Variants in HERC6 observed in about 807,000 individuals in gnomAD.
HERC6 encodes probable E3 ubiquitin-protein ligase HERC6.
A neutral mutation model predicts 114.5 loss-of-function variants in HERC6; 101 were observed. The ratio of observed to expected loss-of-function variants is 0.88; its 90% CI spans 0.75 to 1.04. The LOEUF is 1.04. HERC6 is among the 50% of genes least tolerant of loss of function. HERC6 has a pLI of 0.00. For synonymous variants in HERC6, 408 were observed against 436.2 expected (o/e 0.94, Z 0.81); for missense variants, 1,133 against 1,230.9 (o/e 0.92, Z 1.19).
rs868315940 is a variant in HERC6 at position 88,417,301 on chromosome 4, C to T, written c.1559-124C>T. 7.9e-5 allele frequency: 74 copies of T among 934,800 alleles called. 1 individual carries two copies. In the South Asian group the frequency reaches 1.0e-3, roughly 13 times the overall value. 57.9% of individuals were successfully genotyped at this position (934,800 alleles called of 1,614,324 possible). A position where few individuals can be genotyped will look rare whatever the true frequency, so the allele number is the denominator to read the frequency against. On this transcript the variant is annotated intron_variant, in intron 12 of 22. Coordinates refer to ENST00000264346, the MANE Select transcript of HERC6 (RefSeq NM_017912.4). ...GCAGGATATACTTAAAAAAGATATT[C>T]ATAAATTATGCCATCAGAAATGTAA...
intron 8 of HERC6, among the ~76,000 whole-genome samples, chr4:88,400,726 A>G (rs965748586): frequency 1.3e-5 from 2 of 152,190 alleles, no homozygotes; most frequent in African/African-American, 4.8e-5. Flanking sequence ...AGACAGGGGC[A>G]CCACGTTTAC....
At chr4:88,435,357 A>C (rs1474454352) in intron 17 of HERC6, among the ~76,000 whole-genome samples, 3 of 151,936 alleles carry the variant, frequency 2.0e-5, no homozygotes, top group African/African-American at 4.8e-5. Context: ...GGTGACCAAT[A>C]AATGTATAAA....
chr4:88,405,652 G>T, intron 10 of HERC6, 39 bp downstream of exon 10: 1 of 1,083,350 alleles, frequency 9.2e-7, no homozygotes, highest in Non-Finnish European at 1.3e-6. Flanking sequence ...TTAAAACACT[G>T]GAAAATATTT....
chr4:88,390,940 T>A (rs1248120881), intron 4 of HERC6, 61 bp downstream of exon 4: 1 of 1,410,930 alleles, frequency 7.1e-7, no homozygotes, highest in Non-Finnish European at 9.7e-7. Flanking sequence ...GAAGACCAAC[T>A]TGGCAAAGGG....
In HERC6 at chr4:88,439,921, TA is replaced by T; in HGVS notation, c.2607del (p.Ala870GlnfsTer27). The T allele has an allele frequency of 6.2e-7, 1 of 1,602,822 alleles. No homozygotes were observed. The highest frequency in any genetic ancestry group is 8.5e-7 in the Non-Finnish European group (1 of 1,174,694). ...ATTGATTACATTTTCAACGTCTCTG[TA>T]AAAGCAGTTTATGAGGAATTTCAGA... The part of the protein sequence containing the change: ...KYIDYIFNVS[V>X]KAVYEEFQRG... On this transcript the variant is annotated frameshift_variant, in exon 21 of 23. Transcript: ENST00000264346. LOFTEE classifies it high-confidence loss of function.
At chr4:88,389,443 A>T (rs957241946) in intron 3 of HERC6, among the ~76,000 whole-genome samples, 3 of 152,078 alleles carry the variant, frequency 2.0e-5, no homozygotes, top group Non-Finnish European at 4.4e-5. Flanking sequence ...TAGGAGAGAA[A>T]AGTTGGTGAC....
At chr4:88,381,852 G>A (rs780884678) in intron 1 of HERC6, among the ~76,000 whole-genome samples, 8 of 151,996 alleles carry the variant, frequency 5.3e-5, no homozygotes, top group East Asian at 1.9e-4. Flanking sequence ...CACTGCGCCC[G>A]GCTGACCCTT....
chr4:88,428,871 T>C lies in HERC6; in HGVS notation c.2106+121T>C, dbSNP rs1737906386. ...CTCTATGGTTATCAATCTTTTGGTT[T>C]CCAGAATTCCCCTCTTACCCTTCAG... On this transcript the variant is annotated intron_variant, in intron 16 of 22. Coordinates refer to ENST00000264346, the MANE Select transcript of HERC6 (RefSeq NM_017912.4). 4 of 769,178 alleles carry C rather than the reference T, an allele frequency of 5.2e-6. No individual in the cohort carries two copies. The South Asian group carries it at 1.2e-4, about 24-fold the overall frequency. 47.6% of individuals were successfully genotyped at this position (769,178 alleles called of 1,614,324 possible). A position where few individuals can be genotyped will look rare whatever the true frequency, so the allele number is the denominator to read the frequency against.
chr4:88,430,655 G>A (rs1345316242), intron 16 of HERC6, among the ~76,000 whole-genome samples: 1 of 152,058 alleles, frequency 6.6e-6, no homozygotes, highest in Admixed American at 6.6e-5. Context: ...GAGAGCTATG[G>A]GCAATCTGCT....
At chr4:88,420,169 T>C (rs1227411397) in intron 13 of HERC6, among the ~76,000 whole-genome samples, 1 of 152,208 alleles carries the variant, frequency 6.6e-6, no homozygotes, top group African/African-American at 2.4e-5. Flanking sequence ...CCTCTTTCCC[T>C]GGCGCTTTGT....
chr4:88,428,717 A>T lies in HERC6; in HGVS notation c.2073A>T (p.Gln691His). ...AAGATGCTCTGCGTCAATTAAGTCA[A>T]GCTGAAGCTACTGACTTCTGCAAAG... is the stretch of plus-strand genomic sequence containing the variant. ...LVKDALRQLS[Q>H]AEATDFCKVL... Residue 691 changes from glutamine to histidine, a missense_variant, in exon 16 of 23, where the codon CAA (glutamine) becomes CAT (histidine). Around this residue, in one of 3 missense-constraint regions of HERC6, gnomAD observed 388 missense variants for 445.9 expected, o/e 0.87. Transcript: ENST00000264346. The T allele has an allele frequency of 6.3e-7, 1 of 1,586,766 alleles. No homozygotes were observed. Among genetic ancestry groups the T allele is most frequent in the Non-Finnish European group, 8.6e-7 (1 of 1,168,430 alleles).
intron 10 of HERC6, among the ~76,000 whole-genome samples, chr4:88,406,167 G>A (rs1735805252): frequency 1.3e-5 from 2 of 152,260 alleles, no homozygotes; most frequent in African/African-American, 2.4e-5. Flanking sequence ...TAAAAGGGAA[G>A]AGAAGGAGAA....
chr4:88,430,581 TAAATAAATA>T (rs1738088071), intron 16 of HERC6, among the ~76,000 whole-genome samples: 2 of 149,700 alleles, frequency 1.3e-5, no homozygotes, highest in South Asian at 4.3e-4. Flanking sequence ...AATAAATAAA[TAAATAAATA>T]AATAAATAAA....
chr4:88,424,512 A>G (rs1427866408), intron 14 of HERC6, 83 bp from the exon 15 acceptor site: 1 of 1,051,920 alleles, frequency 9.5e-7, no homozygotes, highest in East Asian at 2.5e-5. Context: ...CCAGATTCCA[A>G]AAAAAAGGCG....
At chr4:88,382,019 C>G (rs1430963249) in intron 1 of HERC6, among the ~76,000 whole-genome samples, 4 of 152,092 alleles carry the variant, frequency 2.6e-5, no homozygotes, top group African/African-American at 9.7e-5. Context: ...TCTTATCACC[C>G]TCATTTGGAA....
intron 15 of HERC6, among the ~76,000 whole-genome samples, chr4:88,427,104 CTTACTT>C (rs1737718443): frequency 6.6e-6 from 1 of 152,200 alleles, no homozygotes; most frequent in South Asian, 2.1e-4. Context: ...CAAGAAAACT[CTTACTT>C]TTAGTTGTTA....
rs1323239348 is a variant in HERC6, at chr4:88,437,791, G to A, written c.2555+10G>A. ...TGGACCAAACCAACAAGTAAGTTTT[G>A]ACAGCTAGAATATCTGTTTTGAATA... is the stretch of plus-strand genomic sequence containing the variant. On this transcript the variant is annotated intron_variant, in intron 20 of 22. Coordinates refer to ENST00000264346, the MANE Select transcript of HERC6 (RefSeq NM_017912.4). The A allele has an allele frequency of 1.3e-6, 2 of 1,559,964 alleles. No individual in the cohort carries two copies. Among genetic ancestry groups the A allele is most frequent in the Non-Finnish European group, 1.8e-6 (2 of 1,135,208 alleles).
At chr4:88,390,926 G>C (rs1734887849) in intron 4 of HERC6, 47 bp downstream of exon 4, 5 of 1,501,088 alleles carry the variant, frequency 3.3e-6, no homozygotes, top group Non-Finnish European at 4.5e-6. Context: ...TTTCTTTCCA[G>C]GTGGAAGACC....
At chr4:88,401,770 G>C (rs934190417) in intron 8 of HERC6, among the ~76,000 whole-genome samples, 1 of 152,190 alleles carries the variant, frequency 6.6e-6, no homozygotes, top group Non-Finnish European at 1.5e-5. Flanking sequence ...AGGAAGAAAA[G>C]GAAGGGTTGT....
Sources: gnomAD v4.1 joint callset for allele counts (sites outside exome capture counted in the v4.1 genomes callset) on GRCh38, gnomAD v4.1.1 for gene constraint, gnomAD v4.1.1 regional missense constraint, MANE v1.5 for transcripts, NCBI Gene and HGNC (gene_info 2026-07-23, HGNC 2026-07-21) for gene names.